MSMB: variants seen among roughly 807,000 people sequenced by gnomAD.
The protein encoded by MSMB is beta-microseminoprotein.
In MSMB, 10 loss-of-function variants were observed where a neutral mutation model predicts 10.5. The observed-to-expected ratio is 0.95, with a 90% CI of 0.59 to 1.62. The LOEUF (loss-of-function observed/expected upper bound fraction) is 1.62. MSMB is among the 40% of genes most tolerant of loss of function. MSMB has a pLI of 0.00. For missense variants in MSMB, 126 were observed against 137.4 expected (o/e 0.92, Z 0.42); for synonymous variants, 43 against 46.5 (o/e 0.93, Z 0.30).
At chr10:46,042,904 TA>T (rs1209845393) in intron 1 of MSMB, among the ~76,000 whole-genome samples, 2 of 152,216 alleles carry the variant, frequency 1.3e-5, no homozygotes, top group Non-Finnish European at 2.9e-5. Flanking sequence ...TCTTATTTTC[TA>T]AATTTTCTAC....
intron 1 of MSMB, among the ~76,000 whole-genome samples, chr10:46,042,038 GAAAT>G (rs1324517035): frequency 1.3e-5 from 2 of 152,122 alleles, no homozygotes; most frequent in Non-Finnish European, 2.9e-5. Context: ...CCCCATTAGT[GAAAT>G]AAATTCTAAA....
intron 1 of MSMB, among the ~76,000 whole-genome samples, chr10:46,045,948 G>C (rs1370658956): frequency 6.6e-6 from 1 of 152,082 alleles, no homozygotes; most frequent in Admixed American, 6.6e-5. Context: ...TACTCACATA[G>C]GACCCAAGAA....
chr10:46,034,092 G>C (rs1033197736), intron 3 of MSMB, among the ~76,000 whole-genome samples: 1 of 152,128 alleles, frequency 6.6e-6, no homozygotes, highest in African/African-American at 2.4e-5. Flanking sequence ...ACTAATGCTA[G>C]AATATTTATG....
At chr10:46,038,480 G>A (rs534644289) in intron 3 of MSMB, among the ~76,000 whole-genome samples, 4 of 152,066 alleles carry the variant, frequency 2.6e-5, no homozygotes, top group South Asian at 2.1e-4. Flanking sequence ...TAGTAGAGAC[G>A]GGGTTTCACG....
chr10:46,034,644 T>C (rs1193759512), intron 3 of MSMB, among the ~76,000 whole-genome samples: 4 of 151,262 alleles, frequency 2.6e-5, no homozygotes, highest in Admixed American at 6.6e-5. Flanking sequence ...GCTAAACCGG[T>C]GAAACCCCGT....
chr10:46,038,143 T>C (rs1380456155), intron 3 of MSMB, among the ~76,000 whole-genome samples: 1 of 152,178 alleles, frequency 6.6e-6, no homozygotes, highest in African/African-American at 2.4e-5. Context: ...GACTGCTTAA[T>C]GGGTATAGAG....
intron 1 of MSMB, among the ~76,000 whole-genome samples, chr10:46,041,835 C>A (rs1840760919): frequency 6.7e-6 from 1 of 148,610 alleles, no homozygotes; most frequent in African/African-American, 2.5e-5. Context: ...ATAGAAAACC[C>A]AGAAAATTCC....
chr10:46,044,307 T>G (rs1282210305), intron 1 of MSMB, among the ~76,000 whole-genome samples: 3 of 151,510 alleles, frequency 2.0e-5, no homozygotes, highest in Non-Finnish European at 2.9e-5. Context: ...CTGGGCGCGG[T>G]GGCTCACGCC....
intron 3 of MSMB, 138 bp from the exon 4 acceptor site, chr10:46,033,689 C>A: frequency 2.5e-6 from 3 of 1,221,894 alleles, no homozygotes; most frequent in Non-Finnish European, 3.4e-6. Context: ...AGAGTGTGAC[C>A]TCCAGGAACC....
chr10:46,038,392 A>G (rs1180206971), intron 3 of MSMB, among the ~76,000 whole-genome samples: 1 of 151,420 alleles, frequency 6.6e-6, no homozygotes, highest in Non-Finnish European at 1.5e-5. Context: ...GGTTCACGCC[A>G]TTCTCCTGCC....
intron 3 of MSMB, among the ~76,000 whole-genome samples, chr10:46,038,228 C>A (rs911559534): frequency 6.6e-6 from 1 of 152,192 alleles, no homozygotes. Flanking sequence ...GGACCTAATG[C>A]CACTAAAGTA....
At chr10:46,043,107 G>A (rs1840789812) in intron 1 of MSMB, among the ~76,000 whole-genome samples, 1 of 152,074 alleles carries the variant, frequency 6.6e-6, no homozygotes, top group Non-Finnish European at 1.5e-5. Context: ...CTTGTTGACA[G>A]CATTTTTACT....
At chr10:46,041,218 G>A (rs371089323) in intron 1 of MSMB, among the ~76,000 whole-genome samples, 10 of 151,954 alleles carry the variant, frequency 6.6e-5, no homozygotes, top group African/African-American at 9.7e-5. Context: ...GGCGGCACAC[G>A]CCAGTAATCC....
At chr10:46,042,480 C>A (rs556013507) in intron 1 of MSMB, among the ~76,000 whole-genome samples, 1 of 152,210 alleles carries the variant, frequency 6.6e-6, no homozygotes, top group Admixed American at 6.5e-5. Context: ...TTACTTTGAA[C>A]AATCGTTAAG....
At chr10:46,043,648 GT>G (rs202005948) in intron 1 of MSMB, among the ~76,000 whole-genome samples, 2 of 151,944 alleles carry the variant, frequency 1.3e-5, no homozygotes, top group Admixed American at 6.6e-5. Context: ...ATTCCTGGGA[GT>G]TTTTTTTGTT....
intron 3 of MSMB, among the ~76,000 whole-genome samples, chr10:46,037,695 C>T (rs564683776): frequency 6.6e-6 from 1 of 152,330 alleles, no homozygotes; most frequent in East Asian, 1.9e-4. Context: ...AGAGCCACTG[C>T]TATTTCTACA....
At chr10:46,038,919 G>A (rs373540506) in intron 3 of MSMB, 47 bp downstream of exon 3, 78 of 1,501,466 alleles carry the variant, frequency 5.2e-5, no homozygotes, top group Non-Finnish European at 7.0e-5. Context: ...CTGTTCCTCA[G>A]AGAACAGCTA....
rs556833356 is a variant in MSMB, at chr10:46,033,611, C to T, written c.216-60G>A. The T allele has an allele frequency of 1.3e-5, 21 of 1,598,976 alleles. No individual in the cohort carries two copies. The African/African-American group carries it at 2.1e-4, about 16-fold the overall frequency. ...AGAAAGGACCCCGAGCACCCCCTCC[C>T]CAGTGCCAGCTCTGTTCAGGAAGTC... On this transcript the variant is annotated intron_variant, in intron 3 of 3. Coordinates refer to ENST00000582163, the MANE Select transcript of MSMB (RefSeq NM_002443.4).
chr10:46,041,628 TA>T (rs1361190206), intron 1 of MSMB, among the ~76,000 whole-genome samples: 2 of 151,942 alleles, frequency 1.3e-5, no homozygotes, highest in African/African-American at 4.8e-5. Context: ...AACCCATCTC[TA>T]CAAAAAGTAC....
Sources: gnomAD v4.1 joint callset for allele counts (sites outside exome capture counted in the v4.1 genomes callset) on GRCh38, gnomAD v4.1.1 for gene constraint, MANE v1.5 for transcripts, NCBI Gene and HGNC (gene_info 2026-07-23, HGNC 2026-07-21) for gene names.